The following PRKD3 variants were observed in gnomAD, a reference collection of about 807,000 sequenced individuals.
The protein encoded by PRKD3 is serine/threonine-protein kinase D3.
In PRKD3, 47 loss-of-function variants were observed where a neutral mutation model predicts 99.2. The observed-to-expected ratio is 0.47, with a 90% CI of 0.38 to 0.60. PRKD3 has a LOEUF of 0.60. Among genes scored for constraint, PRKD3 ranks in the 20% least tolerant of loss-of-function variants. The probability of loss-of-function intolerance (pLI) is 0.00; values close to 1 mark genes in which losing one functional copy is unlikely to be tolerated. For missense variants in PRKD3, 1,019 were observed against 1,088.4 expected (o/e 0.94, Z 0.90); for synonymous variants, 392 against 355.4 (o/e 1.10, Z -1.16).
chr2:37,272,287 G>A, intron 12 of PRKD3, 93 bp downstream of exon 12: 30 of 1,539,228 alleles, frequency 1.9e-5, no homozygotes, highest in Non-Finnish European at 2.4e-5. Flanking sequence ...TAGTACTTTG[G>A]GCGATGAACC....
At chr2:37,259,710 T>C (rs759434568) in intron 15 of PRKD3, 29 bp from the exon 16 acceptor site, 2 of 1,511,164 alleles carry the variant, frequency 1.3e-6, no homozygotes, top group Admixed American at 1.7e-5. Flanking sequence ...TTCTTTTCAA[T>C]GTCTGGAAAA....
intron 14 of PRKD3, among the ~76,000 whole-genome samples, chr2:37,264,678 T>C (rs979290366): frequency 4.6e-5 from 7 of 152,128 alleles, no homozygotes; most frequent in African/African-American, 1.7e-4. Context: ...GCAAAGCCTT[T>C]TGAGACAGAA....
At chr2:37,272,312 A>G (rs1456981585) in intron 12 of PRKD3, 68 bp downstream of exon 12, 1 of 1,571,038 alleles carries the variant, frequency 6.4e-7, no homozygotes, top group Non-Finnish European at 8.6e-7. Flanking sequence ...TCTCTAATAA[A>G]GATTTTCACC....
chr2:37,256,628 A>AAT (rs1382886611), intron 17 of PRKD3, 34 bp downstream of exon 17: 20 of 1,202,296 alleles, frequency 1.7e-5, no homozygotes, highest in Non-Finnish European at 1.9e-5. Context: ...CATAGCCAAA[A>AAT]TTTTTTTTTT....
intron 2 of PRKD3, among the ~76,000 whole-genome samples, chr2:37,297,479 A>G (rs1245772815): frequency 6.6e-6 from 1 of 152,142 alleles, no homozygotes; most frequent in East Asian, 1.9e-4. Context: ...TAATAACCCA[A>G]TATCCATACA....
intron 7 of PRKD3, among the ~76,000 whole-genome samples, chr2:37,280,438 CAT>C (rs1253711051): frequency 1.3e-5 from 2 of 152,184 alleles, no homozygotes; most frequent in Admixed American, 6.5e-5. Context: ...TAAATTTCCA[CAT>C]GACAAAAGAT....
At chr2:37,315,939 G>A (rs1671636593) in intron 2 of PRKD3, among the ~76,000 whole-genome samples, 2 of 152,200 alleles carry the variant, frequency 1.3e-5, no homozygotes, top group African/African-American at 4.8e-5. Flanking sequence ...TGGCCAGGCT[G>A]GTCTCGAACT....
In PRKD3 at chr2:37,253,335, G is replaced by A; in HGVS notation, c.2515C>T (p.Leu839Phe). 1 of 1,611,648 alleles carries A rather than the reference G, an allele frequency of 6.2e-7. No individual in the cohort carries two copies. The highest frequency in any genetic ancestry group is 8.5e-7 in the Non-Finnish European group (1 of 1,178,362). The change falls in exon 19 of 19, where the codon CTT (leucine) becomes TTT (phenylalanine). Residue 839 changes from leucine (L) to phenylalanine (F), a missense_variant. This residue lies in a region of PRKD3 where 125 missense variants were observed against 120.6 expected (regional missense o/e 1.04). Transcript: ENST00000234179. ...HPWLQDYQTW[L>F]DLREFETRIG... ...CGAGTTTCAAATTCTCTAAGGTCAA[G>A]CCAAGTCTGATAGTCCTAGGAGAAA...
At chr2:37,308,957 C>T (rs1302274227) in intron 2 of PRKD3, among the ~76,000 whole-genome samples, 1 of 151,854 alleles carries the variant, frequency 6.6e-6, no homozygotes, top group African/African-American at 2.4e-5. Context: ...TTCTCTTTCT[C>T]TCTTATTTTT....
chr2:37,302,432 A>G (rs1670978420), intron 2 of PRKD3, among the ~76,000 whole-genome samples: 1 of 152,248 alleles, frequency 6.6e-6, no homozygotes, highest in Admixed American at 6.5e-5. Flanking sequence ...ATAATTTTAA[A>G]AAATAATCTT....
At chr2:37,280,055 T>C (rs1669778281) in intron 7 of PRKD3, 126 bp from the exon 8 acceptor site, 1 of 150,372 alleles carries the variant, frequency 6.7e-6, no homozygotes, top group South Asian at 2.3e-4. Flanking sequence ...AGTATTTCTC[T>C]TTTTTTTTTT....
intron 13 of PRKD3, chr2:37,268,270 G>A (rs1405376755): frequency 2.1e-6 from 1 of 468,948 alleles, no homozygotes; most frequent in Non-Finnish European, 4.4e-6. Context: ...CTGAACAAAT[G>A]TGTGCATTTT....
At chr2:37,302,007 A>G (rs1349050929) in intron 2 of PRKD3, among the ~76,000 whole-genome samples, 1 of 152,202 alleles carries the variant, frequency 6.6e-6, no homozygotes, top group South Asian at 2.1e-4. Context: ...CCAAAATGTC[A>G]ATAGTGCTGA....
chr2:37,275,066 T>C (rs886732173), intron 10 of PRKD3, among the ~76,000 whole-genome samples: 1 of 152,136 alleles, frequency 6.6e-6, no homozygotes, highest in Non-Finnish European at 1.5e-5. Flanking sequence ...CCAAAGCAAG[T>C]AAGAAGCAGA....
At chr2:37,315,479 G>A (rs1418781072) in intron 2 of PRKD3, among the ~76,000 whole-genome samples, 1 of 152,018 alleles carries the variant, frequency 6.6e-6, no homozygotes, top group Non-Finnish European at 1.5e-5. Flanking sequence ...TCCTAAACAA[G>A]ATCTAAAGAG....
intron 14 of PRKD3, among the ~76,000 whole-genome samples, chr2:37,267,171 C>G (rs1027670806): frequency 6.6e-6 from 1 of 152,092 alleles, no homozygotes; most frequent in Non-Finnish European, 1.5e-5. Context: ...AACCTTCTGA[C>G]AAAATGTGGC....
rs1420573091 is a variant in PRKD3, at chr2:37,308,824, TG to T, written c.288+7412del. On this transcript the variant is annotated intron_variant, in intron 2 of 18. Transcript: ENST00000234179. ...TGCTTAAAACTAGTTTTTTAAGCTC[TG>T]TTTTTTTTTTGAAAAATGATTCCTT... Among the ~76,000 whole-genome samples the T allele has an allele frequency of 2.8e-5, 4 of 142,602 alleles. 1 individual carries two copies. The East Asian group carries it at 1.2e-3, about 41-fold the overall frequency. 93.6% of individuals were successfully genotyped at this position (142,602 alleles called of 152,430 possible).
intron 9 of PRKD3, among the ~76,000 whole-genome samples, chr2:37,276,805 C>CACATAT (rs1435446844): frequency 7.2e-6 from 1 of 139,706 alleles, no homozygotes; most frequent in East Asian, 2.4e-4. Context: ...CACACACACA[C>CACATAT]ATACACATAT....
At chr2:37,323,859 GGT>G (rs1443900742) in intron 1 of PRKD3, among the ~76,000 whole-genome samples, 1 of 152,160 alleles carries the variant, frequency 6.6e-6, no homozygotes, top group Non-Finnish European at 1.5e-5. Context: ...TGTGGGGATG[GGT>G]GTGATTGAAG....
Sources: allele counts gnomAD v4.1 joint callset (sites outside exome capture counted in the v4.1 genomes callset), GRCh38; gene constraint gnomAD v4.1.1; regional missense constraint gnomAD v4.1.1; transcripts MANE v1.5; gene names NCBI Gene and HGNC (gene_info 2026-07-23, HGNC 2026-07-21).